Variants in IQCJ observed in about 807,000 individuals in gnomAD.
IQCJ encodes IQ motif containing J, also known as IQ domain-containing protein J.
IQCJ carries 9 observed loss-of-function variants against 11.0 expected under a neutral mutation model. The ratio of observed to expected loss-of-function variants is 0.82; its 90% CI spans 0.49 to 1.43. The LOEUF (loss-of-function observed/expected upper bound fraction) is 1.43. Among genes scored for constraint, IQCJ ranks in the 40% most tolerant of loss-of-function variants. The pLI, the probability that IQCJ is intolerant of heterozygous loss-of-function variation, is 0.00. For missense variants in IQCJ, 146 were observed against 133.2 expected (o/e 1.10, Z -0.47); for synonymous variants, 55 against 51.3 (o/e 1.07, Z -0.31).
chr3:159,235,062 A>G (rs560312269), intron 1 of IQCJ, among the ~76,000 whole-genome samples: 2 of 152,288 alleles, frequency 1.3e-5, no homozygotes, highest in Non-Finnish European at 2.9e-5. Flanking sequence ...CACATTTGCT[A>G]TTCTGTCTGC....
chr3:159,127,431 A>G (rs958727026), intron 1 of IQCJ, among the ~76,000 whole-genome samples: 1 of 152,204 alleles, frequency 6.6e-6, no homozygotes, highest in Non-Finnish European at 1.5e-5. Flanking sequence ...GTGAGCGCTC[A>G]TGAAATGCTT....
At chr3:159,208,741 T>A (rs1373093343) in intron 1 of IQCJ, among the ~76,000 whole-genome samples, 2 of 152,206 alleles carry the variant, frequency 1.3e-5, no homozygotes, top group African/African-American at 4.8e-5. Context: ...ATCCTGTGAA[T>A]GTGAATTTAT....
chr3:159,237,376 A>G (rs1242323973), intron 1 of IQCJ, among the ~76,000 whole-genome samples: 1 of 152,236 alleles, frequency 6.6e-6, no homozygotes, highest in African/African-American at 2.4e-5. Context: ...CTAACCTCTT[A>G]GCTATTCCAC....
chr3:159,086,642 A>G (rs377375253), intron 1 of IQCJ, among the ~76,000 whole-genome samples: 14 of 151,346 alleles, frequency 9.3e-5, no homozygotes, highest in African/African-American at 2.7e-4. Flanking sequence ...CATCCCTTGT[A>G]AGTTGGATTC....
At chr3:159,200,249 A>G (rs1724251691) in intron 1 of IQCJ, among the ~76,000 whole-genome samples, 1 of 151,780 alleles carries the variant, frequency 6.6e-6, no homozygotes, top group South Asian at 2.1e-4. Flanking sequence ...CAGAGCCGGT[A>G]TCCAGATGTC....
chr3:159,143,519 G>A (rs763576068), intron 1 of IQCJ, among the ~76,000 whole-genome samples: 1 of 152,164 alleles, frequency 6.6e-6, no homozygotes, highest in African/African-American at 2.4e-5. Flanking sequence ...CATGGACGCT[G>A]TATTATTCTC....
intron 1 of IQCJ, among the ~76,000 whole-genome samples, chr3:159,134,712 C>T (rs1450070486): frequency 6.6e-6 from 1 of 152,152 alleles, no homozygotes; most frequent in Non-Finnish European, 1.5e-5. Context: ...GCTGTCCATA[C>T]AGAAGACCAG....
intron 1 of IQCJ, among the ~76,000 whole-genome samples, chr3:159,078,490 A>T (rs1379221615): frequency 6.6e-6 from 1 of 151,834 alleles, no homozygotes; most frequent in Non-Finnish European, 1.5e-5. Flanking sequence ...GTGACAAGCA[A>T]GTCAGCATGG....
At chr3:159,251,291 A>G (rs935004525) in intron 2 of IQCJ, among the ~76,000 whole-genome samples, 1 of 151,724 alleles carries the variant, frequency 6.6e-6, no homozygotes, top group African/African-American at 2.4e-5. Context: ...CTTTACTACC[A>G]CCATATTCCT....
intron 1 of IQCJ, among the ~76,000 whole-genome samples, chr3:159,129,381 A>T (rs1396693532): frequency 6.6e-6 from 1 of 152,234 alleles, no homozygotes; most frequent in Non-Finnish European, 1.5e-5. Context: ...CCCCCTAAGT[A>T]ACATCTGCAA....
At chr3:159,185,084 CT>C (rs1723304733) in intron 1 of IQCJ, among the ~76,000 whole-genome samples, 2 of 152,238 alleles carry the variant, frequency 1.3e-5, no homozygotes, top group South Asian at 4.1e-4. Context: ...TTTGCCCCTA[CT>C]TCTGTCAGCT....
At chr3:159,116,669 T>TATATAC (rs1719040329) in intron 1 of IQCJ, among the ~76,000 whole-genome samples, 1 of 24,104 alleles carries the variant, frequency 4.1e-5, no homozygotes, top group African/African-American at 1.8e-4. Context: ...TATATATATA[T>TATATAC]ACACCCTTCA....
At chr3:159,115,249 T>TCTG (rs1718903661) in intron 1 of IQCJ, among the ~76,000 whole-genome samples, 1 of 152,326 alleles carries the variant, frequency 6.6e-6, no homozygotes, top group South Asian at 2.1e-4. Context: ...CTTCCATGGC[T>TCTG]CTGTCATCTT....
chr3:159,126,193 G>A (rs934306332), intron 1 of IQCJ, among the ~76,000 whole-genome samples: 4 of 152,184 alleles, frequency 2.6e-5, no homozygotes, highest in African/African-American at 9.7e-5. Flanking sequence ...GAAATGGATG[G>A]GTGAGCATCT....
chr3:159,256,575 G>C (rs954704793), intron 3 of IQCJ, among the ~76,000 whole-genome samples: 5 of 152,226 alleles, frequency 3.3e-5, no homozygotes, highest in African/African-American at 4.8e-5. Context: ...CCTGCTGTGT[G>C]ACCTTGGGAA....
chr3:159,092,312 A>G (rs372732888), intron 1 of IQCJ, among the ~76,000 whole-genome samples: 27 of 152,052 alleles, frequency 1.8e-4, no homozygotes, highest in African/African-American at 5.3e-4. Flanking sequence ...TGTTATAGCT[A>G]TGGACAGACC....
At chr3:159,227,924 C>T (rs1484591115) in intron 1 of IQCJ, among the ~76,000 whole-genome samples, 4 of 152,132 alleles carry the variant, frequency 2.6e-5, no homozygotes, top group African/African-American at 4.8e-5. Flanking sequence ...GTCAGCAAGA[C>T]AATTTAATGT....
chr3:159,074,388 T>C (rs1239008755), intron 1 of IQCJ, among the ~76,000 whole-genome samples: 4 of 152,074 alleles, frequency 2.6e-5, no homozygotes, highest in African/African-American at 7.2e-5. Context: ...AAGATAGTAC[T>C]CAAAAGGGAC....
At position 159,241,809 on chromosome 3, in the gene IQCJ, A is replaced by G. The variant is rs1726939063; in HGVS notation, c.10-4034A>G. On this transcript the variant is annotated intron_variant, in intron 1 of 3. Coordinates refer to ENST00000397832, the MANE Select transcript of IQCJ (RefSeq NM_001042706.3). ...TGGATGTGACAAAAAACCTACTTCC[A>G]TGGTGCCTACAATGTAGTGAGTGGA... Among the ~76,000 whole-genome samples, 9 of 152,234 alleles carry G rather than the reference A, an allele frequency of 5.9e-5. No individual in the cohort carries two copies. In the South Asian group the frequency reaches 1.9e-3, roughly 31 times the overall value.
Sources: allele counts gnomAD v4.1 joint callset (sites outside exome capture counted in the v4.1 genomes callset), GRCh38; gene constraint gnomAD v4.1.1; transcripts MANE v1.5; gene names NCBI Gene and HGNC (gene_info 2026-07-23, HGNC 2026-07-21).